Variants in MAP2 observed in about 807,000 individuals in gnomAD.
MAP2 encodes the protein microtubule-associated protein 2.
A neutral mutation model predicts 137.6 loss-of-function variants in MAP2; 14 were observed. That is an observed-to-expected ratio of 0.10 (90% confidence interval 0.07 to 0.16). MAP2 has a LOEUF of 0.16. Among genes scored for constraint, MAP2 ranks in the 10% least tolerant of loss-of-function variants. MAP2 has a pLI of 1.00. For missense variants in MAP2, 2,088 were observed against 2,191.5 expected (o/e 0.95, Z 0.94); for synonymous variants, 786 against 782.3 (o/e 1.00, Z -0.08).
chr2:209,436,025 A>AG (rs1559159753), intron 1 of MAP2, among the ~76,000 whole-genome samples: 1 of 77,294 alleles, frequency 1.3e-5, no homozygotes, highest in Non-Finnish European at 3.1e-5. Context: ...TTATATATAA[A>AG]ATATATATAT....
At chr2:209,472,512 T>C (rs564943931) in intron 1 of MAP2, among the ~76,000 whole-genome samples, 10 of 152,286 alleles carry the variant, frequency 6.6e-5, no homozygotes, top group African/African-American at 2.4e-4. Context: ...CAGGTGAATC[T>C]CAGGAAAAAC....
chr2:209,598,533 G>A (rs2153453942), intron 3 of MAP2, among the ~76,000 whole-genome samples: 1 of 148,878 alleles, frequency 6.7e-6, no homozygotes, highest in Non-Finnish European at 1.5e-5. Flanking sequence ...GTGCCATGCT[G>A]GTGCGCTGCA....
intron 5 of MAP2, among the ~76,000 whole-genome samples, chr2:209,666,063 C>T (rs2046178941): frequency 6.6e-6 from 1 of 152,124 alleles, no homozygotes; most frequent in Non-Finnish European, 1.5e-5. Context: ...ATCTTCAGCT[C>T]ATGTTTATTT....
intron 2 of MAP2, among the ~76,000 whole-genome samples, chr2:209,513,606 G>A (rs1038987087): frequency 2.6e-5 from 4 of 151,532 alleles, no homozygotes; most frequent in African/African-American, 9.7e-5. Flanking sequence ...ATCCTCTCTC[G>A]GCCCCCTATC....
At position 209,604,421 on chromosome 2, in the gene MAP2, G is replaced by C. The variant is rs557218353; in HGVS notation, c.-106-20632G>C. ...CATAATCATGAATTGTAGCAAAAAGGTTTTTGCTCCTGGTCTAAAGAAACT... is the reference window on the plus strand; with the variant it reads ...CATAATCATGAATTGTAGCAAAAAGCTTTTTGCTCCTGGTCTAAAGAAACT... On this transcript the variant is annotated intron_variant, in intron 3 of 15. Transcript: ENST00000682079. 2.6e-5 allele frequency among the ~76,000 whole-genome samples: 4 copies of C among 152,138 alleles called. No homozygotes were observed. In the South Asian group the frequency reaches 8.3e-4, roughly 32 times the overall value.
rs1480482938 is a variant in MAP2 at position 209,653,437 on chromosome 2, C to T, written c.262+5C>T. 1 of 1,587,136 alleles carries T rather than the reference C, an allele frequency of 6.3e-7. No homozygotes were observed. The highest frequency in any genetic ancestry group is 8.6e-7 in the Non-Finnish European group (1 of 1,166,018). Reference sequence around the variant, plus strand: ...CAGCTGACAGAGAAACAGCAGGTAACTAAGGGCTCTACTGTCACCAAGTGC... The same window carrying T: ...CAGCTGACAGAGAAACAGCAGGTAATTAAGGGCTCTACTGTCACCAAGTGC... On this transcript the variant is annotated splice_donor_5th_base_variant and intron_variant, in intron 5 of 15. Coordinates refer to ENST00000682079, the MANE Select transcript of MAP2 (RefSeq NM_001375505.1).
chr2:209,435,583 A>G (rs1309080919), intron 1 of MAP2, among the ~76,000 whole-genome samples: 2 of 151,778 alleles, frequency 1.3e-5, no homozygotes, highest in African/African-American at 4.8e-5. Context: ...TTGTAAGGCC[A>G]CTGGCATCAG....
intron 3 of MAP2, among the ~76,000 whole-genome samples, chr2:209,605,135 A>G (rs1393833157): frequency 6.6e-6 from 1 of 152,186 alleles, no homozygotes; most frequent in Admixed American, 6.5e-5. Context: ...TTAGAAAACA[A>G]TTTTAAAAAT....
chr2:209,690,667 G>A, intron 7 of MAP2: 1 of 1,289,806 alleles, frequency 7.8e-7, no homozygotes, highest in Non-Finnish European at 1.0e-6. Context: ...CTGAGAAAGA[G>A]TGTGGGGCTG....
intron 2 of MAP2, among the ~76,000 whole-genome samples, chr2:209,554,188 A>T (rs1314281439): frequency 3.3e-5 from 5 of 152,202 alleles, no homozygotes; most frequent in African/African-American, 1.2e-4. Flanking sequence ...TTAATAAAGC[A>T]TTGAAATTCA....
intron 5 of MAP2, among the ~76,000 whole-genome samples, chr2:209,660,764 C>T (rs1200783777): frequency 2.8e-5 from 4 of 141,776 alleles, no homozygotes; most frequent in East Asian, 2.1e-4. Context: ...GACCGAGTCT[C>T]GCTCTGTCGC....
intron 13 of MAP2, among the ~76,000 whole-genome samples, chr2:209,714,599 A>G (rs1345195167): frequency 6.6e-6 from 1 of 152,210 alleles, no homozygotes; most frequent in Non-Finnish European, 1.5e-5. Context: ...AATCTATTAA[A>G]CTAGAACCTG....
chr2:209,559,127 C>G (rs1350307739), intron 2 of MAP2, among the ~76,000 whole-genome samples: 1 of 151,936 alleles, frequency 6.6e-6, no homozygotes, highest in Non-Finnish European at 1.5e-5. Context: ...GTTTATCATT[C>G]TTTCTGCCCT....
chr2:209,445,243 A>AT (rs1048638901), intron 1 of MAP2, among the ~76,000 whole-genome samples: 7 of 151,680 alleles, frequency 4.6e-5, no homozygotes, highest in African/African-American at 1.7e-4. Context: ...CACTACAGTT[A>AT]TTTTGCCTTC....
chr2:209,526,794 T>A (rs2064130403), intron 2 of MAP2, among the ~76,000 whole-genome samples: 1 of 151,558 alleles, frequency 6.6e-6, no homozygotes, highest in Non-Finnish European at 1.5e-5. Context: ...CATCCCTGTT[T>A]TCTGATGATG....
rs528153540 is a variant in MAP2 at position 209,566,719 on chromosome 2, G to T, written c.-171-13317G>T. Among the ~76,000 whole-genome samples the T allele has an allele frequency of 2.0e-3, 310 of 151,752 alleles. 2 individuals are homozygous for T. Among genetic ancestry groups the T allele is most frequent in the Admixed American group, 2.8e-3 (43 of 15,246 alleles). On this transcript the variant is annotated intron_variant, in intron 2 of 15. Coordinates refer to ENST00000682079, the MANE Select transcript of MAP2 (RefSeq NM_001375505.1). ...CCCCCGTTTGTTTCTTTGTTTTTTTGTTGTTGTTGTTGTTCTTCTTCAGCT... is the reference window on the plus strand; with the variant it reads ...CCCCCGTTTGTTTCTTTGTTTTTTTTTTGTTGTTGTTGTTCTTCTTCAGCT...
chr2:209,443,144 G>C (rs1698225591), intron 1 of MAP2, among the ~76,000 whole-genome samples: 2 of 150,810 alleles, frequency 1.3e-5, no homozygotes, highest in Non-Finnish European at 3.0e-5. Context: ...CTCCCTTCCT[G>C]TATTTTTGGC....
chr2:209,652,699 C>T (rs1264068952), intron 4 of MAP2, among the ~76,000 whole-genome samples: 1 of 152,128 alleles, frequency 6.6e-6, no homozygotes, highest in African/African-American at 2.4e-5. Flanking sequence ...GTCATTCTTC[C>T]TCCCACTTTT....
rs181483775 is a variant in MAP2, at chr2:209,536,885, C to G, written c.-172+29244C>G. 1.1e-3 allele frequency among the ~76,000 whole-genome samples: 164 copies of G among 152,252 alleles called. 1 individual carries two copies. The highest frequency in any genetic ancestry group is 4.4e-4 in the Non-Finnish European group (30 of 68,022). Reference sequence around the variant, plus strand: ...CTTCACCCTTTGTTTCAATTTCCATCCTATTGGGTTGCATCGAACCAGTGT... The same window carrying G: ...CTTCACCCTTTGTTTCAATTTCCATGCTATTGGGTTGCATCGAACCAGTGT... On this transcript the variant is annotated intron_variant, in intron 2 of 15. Transcript: ENST00000682079.
Sources: gnomAD v4.1 joint callset for allele counts (sites outside exome capture counted in the v4.1 genomes callset) on GRCh38, gnomAD v4.1.1 for gene constraint, MANE v1.5 for transcripts, NCBI Gene and HGNC (gene_info 2026-07-23, HGNC 2026-07-21) for gene names.